PARP10: variants seen among roughly 807,000 people sequenced by gnomAD.
The protein encoded by PARP10 is protein mono-ADP-ribosyltransferase PARP10.
PARP10 carries 56 observed loss-of-function variants against 82.4 expected under a neutral mutation model. That is an observed-to-expected ratio of 0.68 (90% CI 0.55 to 0.85). The LOEUF is 0.85. Among genes scored for constraint, PARP10 ranks in the 40% least tolerant of loss-of-function variants. The pLI, the probability that PARP10 is intolerant of heterozygous loss-of-function variation, is 0.00. For synonymous variants in PARP10, 576 were observed against 601.1 expected, an observed-to-expected ratio of 0.96 and a Z score of 0.61; for missense variants, 1,227 against 1,379.4, an observed-to-expected ratio of 0.89 and a Z score of 1.75.
At chr8:144,006,515 G>A (rs774888891) in intron 1 of PARP10, among the ~76,000 whole-genome samples, 7 of 152,260 alleles carry the variant, frequency 4.6e-5, no homozygotes, top group African/African-American at 9.6e-5. Flanking sequence ...GGGGCAACAC[G>A]CAAGCGGAGT....
At chr8:143,982,652 C>T (rs1463184289) in intron 9 of PARP10, among the ~76,000 whole-genome samples, 4 of 152,226 alleles carry the variant, frequency 2.6e-5, no homozygotes, top group Admixed American at 6.5e-5. Flanking sequence ...GAAACTGAGG[C>T]CTGGAGCTGG....
At chr8:144,004,906 C>A (rs1038205370) in intron 1 of PARP10, among the ~76,000 whole-genome samples, 1 of 152,030 alleles carries the variant, frequency 6.6e-6, no homozygotes, top group East Asian at 1.9e-4. Context: ...AGTCCGGGCA[C>A]GGTGGCTCAT....
chr8:143,991,264 A>G (rs782106281), upstream of PARP10: 72 of 1,558,404 alleles, frequency 4.6e-5, no homozygotes, highest in Non-Finnish European at 5.4e-5. Context: ...GGGGACAACT[A>G]TCCTCCCCCC....
intron 9 of PARP10, among the ~76,000 whole-genome samples, chr8:143,981,469 G>A (rs13248036): frequency 3.0e-3 from 184 of 62,142 alleles, no homozygotes; most frequent in Middle Eastern, 6.1e-3. Flanking sequence ...GGTGAAGGTG[G>A]TGGTGATGAT....
At chr8:143,985,685 C>A (rs782639037) in intron 3 of PARP10, 36 bp downstream of exon 3, 3 of 1,603,200 alleles carry the variant, frequency 1.9e-6, no homozygotes, top group African/African-American at 2.7e-5. Context: ...GGGAATCCCC[C>A]CTAGCCAGCA....
chr8:143,984,315 C>T lies in PARP10; in HGVS notation c.1575G>A (p.Leu525=), dbSNP rs782453146. 3 of 1,613,996 alleles carry T rather than the reference C, an allele frequency of 1.9e-6. No individual in the cohort carries two copies. The highest frequency in any genetic ancestry group is 2.5e-6 in the Non-Finnish European group (3 of 1,179,994). The change falls in exon 6 of 11, where the codon CTG becomes CTA. Residue 525 remains leucine (L), a synonymous_variant. Transcript: ENST00000313028. ...LEHPGSARFL[L]GPEGQHLLQG... is the part of the protein sequence containing the mutation. ...GGAGAAGGTGCTGCCCTTCTGGGCC[C>T]AGGAGAAACCTGGCGCTGCCCGGGT...
In PARP10 at chr8:143,984,977, G is replaced by A. The variant is rs782168361; in HGVS notation, c.1025C>T (p.Ser342Phe). The A allele has an allele frequency of 1.0e-4, 166 of 1,613,838 alleles. 2 individuals carry two copies. The Middle Eastern group carries it at 2.5e-3, about 24-fold the overall frequency. Residue 342 changes from serine (S) to phenylalanine (F), a missense_variant, in exon 5 of 11, where the codon TCT becomes TTT. By Grantham distance (155) the Ser-to-Phe change is radical. Coordinates refer to ENST00000313028, the MANE Select transcript of PARP10 (RefSeq NM_032789.5). ...GCTGACTTGCTCTGCCTGTCCCAGA[G>A]ACCCCATGGGACCTGTCCTCAGAGA... Reference protein sequence around the residue: ...GTSLRTGPMGSLGQAEQVSSM... With the variant: ...GTSLRTGPMGFLGQAEQVSSM...
chr8:143,986,512 G>A (rs1833995167), upstream of PARP10: 19 of 1,186,202 alleles, frequency 1.6e-5, no homozygotes, highest in Non-Finnish European at 2.0e-5. Context: ...GGGCGCTGAG[G>A]CCTGGGTACT....
upstream of PARP10, chr8:143,990,277 C>G (rs1485110966): frequency 1.3e-5 from 2 of 149,954 alleles, no homozygotes; most frequent in South Asian, 2.1e-4. The surrounding 1 kb of genome is among the most constrained non-coding windows in gnomAD (Gnocchi z 5.6). Flanking sequence ...CCCGCCCCCA[C>G]GCGGATCTTG....
At chr8:143,990,163 G>C (rs1394487646), upstream of PARP10, 3 of 150,462 alleles carry the variant, frequency 2.0e-5, no homozygotes, top group African/African-American at 7.3e-5. This position sits in a 1 kb window ranked among gnomAD's most constrained non-coding sequence, Gnocchi z 5.6. Context: ...CCGCGCAGCG[G>C]ACACCGTGCG....
At chr8:143,980,011 C>CAA (rs1175660825) in intron 9 of PARP10, among the ~76,000 whole-genome samples, 491 of 33,014 alleles carry the variant, frequency 0.015, 20 homozygotes, top group African/African-American at 0.048. Flanking sequence ...GACTCCGTCT[C>CAA]AAAAAAAAAA....
intron 1 of PARP10, among the ~76,000 whole-genome samples, chr8:144,005,377 C>T (rs1554752018): frequency 6.6e-6 from 1 of 152,036 alleles, no homozygotes. Flanking sequence ...AGTATTTGCT[C>T]CACAAAGATT....
Position 143,977,989 on chromosome 8 carries a change from C to A in PARP10, c.2649G>T (p.Gln883His). Residue 883 changes from glutamine (Q) to histidine (H), a missense_variant, in exon 10 of 11, where the codon CAG (glutamine) becomes CAT (histidine). By Grantham distance (24) the Gln-to-His change is conservative. Coordinates refer to ENST00000313028, the MANE Select transcript of PARP10 (RefSeq NM_032789.5). ...GTGCCGTCGTGCCGTGGTACAGCAC[C>A]TGCTCCACCGGGCGCCGCTCGCATC... Reference protein sequence around the residue: ...LQRCERRPVEQVLYHGTTAPA... With the variant: ...LQRCERRPVEHVLYHGTTAPA... 6.3e-7 allele frequency: 1 copy of A among 1,595,366 alleles called. No homozygotes were observed. Among genetic ancestry groups the A allele is most frequent in the East Asian group, 2.2e-5 (1 of 44,604 alleles).
Position 144,011,541 on chromosome 8 carries a change from C to T in PARP10, c.-80+989G>A, listed in dbSNP as rs553528932. 6.6e-6 allele frequency among the ~76,000 whole-genome samples: 1 copy of T among 152,292 alleles called. No individual in the cohort carries two copies. The highest frequency in any genetic ancestry group is 1.9e-4 in the East Asian group (1 of 5,168). On this transcript the variant is annotated intron_variant, in intron 1 of 3. Coordinates refer to the PARP10 transcript ENST00000530478. The surrounding 1 kb of genome is among the most constrained non-coding windows in gnomAD (Gnocchi z 4.5). ...CAAAAAGAGGTTTGAGGGAGAACAG[C>T]CACAGAGCCAATGGAGGCCACGAGG...
intron 9 of PARP10, among the ~76,000 whole-genome samples, chr8:143,982,200 T>G (rs1487651702): frequency 1.3e-5 from 2 of 151,920 alleles, no homozygotes; most frequent in African/African-American, 2.4e-5. Context: ...CCGGGCGCGG[T>G]GGCTCACGCC....
chr8:143,980,745 A>G (rs1369760478), intron 9 of PARP10, among the ~76,000 whole-genome samples: 1 of 152,162 alleles, frequency 6.6e-6, no homozygotes, highest in African/African-American at 2.4e-5. Flanking sequence ...AAAAAAAGAA[A>G]AGCCATTAGC....
intron 9 of PARP10, among the ~76,000 whole-genome samples, chr8:143,978,853 C>T (rs1554747036): frequency 1.3e-5 from 2 of 152,102 alleles, no homozygotes; most frequent in Admixed American, 6.5e-5. Context: ...GCTGAAGGAA[C>T]ATCTTCAGAT....
At chr8:144,005,223 G>C (rs1334388255) in intron 1 of PARP10, among the ~76,000 whole-genome samples, 3 of 151,698 alleles carry the variant, frequency 2.0e-5, no homozygotes, top group African/African-American at 7.3e-5. Context: ...GGAGAGCATC[G>C]GGGAGGGACC....
rs568950053 is a variant in PARP10, at chr8:144,001,096, A to G, written c.-80+11434T>C. Among the ~76,000 whole-genome samples the G allele has an allele frequency of 9.2e-5, 14 of 151,796 alleles. No homozygotes were observed. The South Asian group carries it at 2.5e-3, about 27-fold the overall frequency. ...GCCTGGCTAATTTTTTTGTATTTTT[A>G]GTAGAGACGAGGTTTCACCGTGTTA... On this transcript the variant is annotated intron_variant, in intron 1 of 3. Coordinates refer to the PARP10 transcript ENST00000530478.
Sources: allele counts gnomAD v4.1 joint callset (sites outside exome capture counted in the v4.1 genomes callset), GRCh38; gene constraint gnomAD v4.1.1; non-coding constraint Gnocchi (gnomAD v3.1); transcripts MANE v1.5; gene names NCBI Gene and HGNC (gene_info 2026-07-23, HGNC 2026-07-21).